MAGI2: variants seen among roughly 807,000 people sequenced by gnomAD.
MAGI2 encodes the protein membrane associated guanylate kinase, WW and PDZ domain containing 2.
A neutral mutation model predicts 133.3 loss-of-function variants in MAGI2; 35 were observed. That is an observed-to-expected ratio of 0.26 (90% CI 0.20 to 0.35). The LOEUF (loss-of-function observed/expected upper bound fraction) is 0.35, where lower values mean the gene tolerates loss of function less well. MAGI2 is among the 10% of genes least tolerant of loss of function. MAGI2 has a pLI of 1.00. For synonymous variants in MAGI2, 729 were observed against 710.6 expected (o/e 1.03, Z -0.41); for missense variants, 1,636 against 1,863.4 (o/e 0.88, Z 2.25).
intron 6 of MAGI2, among the ~76,000 whole-genome samples, chr7:78,454,551 G>C (rs1789096756): frequency 6.6e-6 from 1 of 152,146 alleles, no homozygotes; most frequent in South Asian, 2.1e-4. Flanking sequence ...ATATGATCCA[G>C]CAATCGCATT....
intron 3 of MAGI2, among the ~76,000 whole-genome samples, chr7:78,549,752 C>G (rs1799176141): frequency 6.6e-6 from 1 of 152,106 alleles, no homozygotes; most frequent in Non-Finnish European, 1.5e-5. Flanking sequence ...CTATAAAACA[C>G]AAGTATAATA....
chr7:79,351,767 C>T (rs140950509), intron 1 of MAGI2: 3 of 152,302 alleles, frequency 2.0e-5, no homozygotes, highest in Non-Finnish European at 2.9e-5. Context: ...GCAGAATTCA[C>T]ATAAGCCAAA....
chr7:78,954,824 G>T (rs937604566), intron 2 of MAGI2, among the ~76,000 whole-genome samples: 4 of 152,008 alleles, frequency 2.6e-5, no homozygotes, highest in Non-Finnish European at 5.9e-5. Context: ...AGCATAAAAT[G>T]ATTTTATTCT....
intron 1 of MAGI2, among the ~76,000 whole-genome samples, chr7:79,304,203 C>CTGTGTGTGTCTGTG (rs1563096212): frequency 7.1e-4 from 96 of 135,476 alleles, no homozygotes; most frequent in African/African-American, 2.5e-3. Context: ...GTGTGTGTGT[C>CTGTGTGTGTCTGTG]TGTGTGTGTG....
intron 1 of MAGI2, among the ~76,000 whole-genome samples, chr7:79,116,511 C>T (rs1333379648): frequency 6.6e-6 from 1 of 152,176 alleles, no homozygotes; most frequent in Non-Finnish European, 1.5e-5. Context: ...GTTGTTCACA[C>T]AGCTCTGCTA....
At chr7:78,070,664 C>T (rs192932652) in intron 21 of MAGI2, among the ~76,000 whole-genome samples, 21,314 of 138,946 alleles carry the variant, frequency 0.15, 1,879 homozygotes, top group Middle Eastern at 0.22. Flanking sequence ...TTTTTTTAGA[C>T]GGAGTCTCAC....
At chr7:78,097,109 A>G (rs955589518) in intron 20 of MAGI2, among the ~76,000 whole-genome samples, 1 of 152,208 alleles carries the variant, frequency 6.6e-6, no homozygotes, top group African/African-American at 2.4e-5. Flanking sequence ...CAAAACCACA[A>G]GGAGATGCCA....
chr7:79,451,806 AC>A (rs1285570321), intron 1 of MAGI2, among the ~76,000 whole-genome samples: 16 of 152,046 alleles, frequency 1.1e-4, no homozygotes, highest in African/African-American at 3.9e-4. Flanking sequence ...ACAACAACAA[AC>A]CCTTATGCTA....
chr7:78,266,272 C>T (rs976733984), intron 9 of MAGI2, among the ~76,000 whole-genome samples: 1 of 152,308 alleles, frequency 6.6e-6, no homozygotes, highest in African/African-American at 2.4e-5. Flanking sequence ...ACTATCCCGG[C>T]TCACTGCAGT....
intron 20 of MAGI2, among the ~76,000 whole-genome samples, chr7:78,120,034 T>C (rs184974582): frequency 2.0e-5 from 3 of 152,224 alleles, no homozygotes; most frequent in African/African-American, 7.2e-5. Context: ...CTCGATATTA[T>C]AAAGATGTAA....
intron 2 of MAGI2, among the ~76,000 whole-genome samples, chr7:78,924,850 C>CTATTATTAT (rs1451085439): frequency 6.8e-6 from 1 of 147,688 alleles, no homozygotes; most frequent in Non-Finnish European, 1.5e-5. Flanking sequence ...ATTATTATTA[C>CTATTATTAT]TACTATTATT....
intron 10 of MAGI2, chr7:78,251,360 G>A (rs559705637): frequency 1.3e-5 from 2 of 152,224 alleles, no homozygotes; most frequent in Admixed American, 1.3e-4. Flanking sequence ...ATATTATTCT[G>A]GGAAGTTCAA....
At chr7:79,237,765 C>T (rs1157242613) in intron 1 of MAGI2, among the ~76,000 whole-genome samples, 4 of 152,148 alleles carry the variant, frequency 2.6e-5, no homozygotes, top group Non-Finnish European at 4.4e-5. Flanking sequence ...ATAATCCATC[C>T]TTGCATATGC....
At chr7:78,225,109 G>A (rs1018239300) in intron 10 of MAGI2, among the ~76,000 whole-genome samples, 78 of 152,220 alleles carry the variant, frequency 5.1e-4, no homozygotes, top group African/African-American at 1.8e-3. Flanking sequence ...TTGGGATACT[G>A]CACAAACTGC....
chr7:78,936,959 C>CA, intron 2 of MAGI2, among the ~76,000 whole-genome samples: 1 of 151,946 alleles, frequency 6.6e-6, no homozygotes, highest in East Asian at 1.9e-4. Context: ...GGCCCAGAAA[C>CA]AAAAATGCCC....
intron 16 of MAGI2, among the ~76,000 whole-genome samples, chr7:78,154,576 T>C (rs1346638788): frequency 6.6e-6 from 1 of 152,184 alleles, no homozygotes; most frequent in Non-Finnish European, 1.5e-5. Flanking sequence ...ATCCTATATC[T>C]AAGTTTAGAA....
At chr7:78,152,796 C>G (rs894419007) in intron 16 of MAGI2, among the ~76,000 whole-genome samples, 91 of 152,310 alleles carry the variant, frequency 6.0e-4, no homozygotes, top group African/African-American at 1.3e-3. Flanking sequence ...AAAGCACTCA[C>G]AGTAATATTG....
intron 1 of MAGI2, among the ~76,000 whole-genome samples, chr7:79,016,559 G>A (rs1475779038): frequency 6.6e-6 from 1 of 152,076 alleles, no homozygotes. Flanking sequence ...TGCTTTGCTG[G>A]CACGCACTTG....
chr7:78,621,560 G>A (rs1807741501), intron 3 of MAGI2, among the ~76,000 whole-genome samples: 2 of 151,936 alleles, frequency 1.3e-5, no homozygotes, highest in African/African-American at 4.8e-5. Flanking sequence ...TTCAGCAGAT[G>A]TTCTATATCA....
Sources: allele counts gnomAD v4.1 joint callset (sites outside exome capture counted in the v4.1 genomes callset), GRCh38; gene constraint gnomAD v4.1.1; transcripts MANE v1.5; gene names NCBI Gene and HGNC (gene_info 2026-07-23, HGNC 2026-07-21).